The following SGMS2 variants were observed in gnomAD, a reference collection of about 807,000 sequenced individuals.
SGMS2 encodes phosphatidylcholine:ceramide cholinephosphotransferase 2.
In SGMS2, 21 loss-of-function variants were observed where a neutral mutation model predicts 43.8. That is an observed-to-expected ratio of 0.48 (90% CI 0.34 to 0.69). The LOEUF (loss-of-function observed/expected upper bound fraction) is 0.69. Among genes scored for constraint, SGMS2 ranks in the 30% least tolerant of loss-of-function variants. The pLI is 0.01. For missense variants in SGMS2, 384 were observed against 443.2 expected (o/e 0.87, Z 1.20); for synonymous variants, 167 against 160.6 (o/e 1.04, Z -0.30).
Position 107,908,624 on chromosome 4 carries a change from A to G in SGMS2, c.787A>G (p.Ile263Val). The G allele has an allele frequency of 6.2e-7, 1 of 1,614,062 alleles. No individual in the cohort carries two copies. The highest frequency in any genetic ancestry group is 8.5e-7 in the Non-Finnish European group (1 of 1,179,970). Residue 263 changes from isoleucine (I) to valine (V), a missense_variant, in exon 6 of 7, where the codon ATC becomes GTC. Physicochemically the swap from Ile to Val is conservative, Grantham distance 29. Transcript: ENST00000690982. Reference sequence around the variant, plus strand: ...CTGCTGGCTGCTGAGTGCTGCCGGGATCATCTGCATTCTTGTAGCACACGA... The same window carrying G: ...CTGCTGGCTGCTGAGTGCTGCCGGGGTCATCTGCATTCTTGTAGCACACGA... ...LICWLLSAAG[I>V]ICILVAHEHY...
At chr4:107,879,323 G>A (rs971933179) in intron 2 of SGMS2, among the ~76,000 whole-genome samples, 2 of 152,046 alleles carry the variant, frequency 1.3e-5, no homozygotes, top group Non-Finnish European at 2.9e-5. Flanking sequence ...AGAAATGTGT[G>A]TTATTTCAGA....
chr4:107,866,594 C>A (rs983838287), intron 2 of SGMS2, among the ~76,000 whole-genome samples: 5 of 150,308 alleles, frequency 3.3e-5, no homozygotes, highest in African/African-American at 4.9e-5. Context: ...AAAAAAAAAA[C>A]AAACCAAAAA....
At chr4:107,856,917 G>A (rs945820296) in intron 1 of SGMS2, among the ~76,000 whole-genome samples, 16 of 152,102 alleles carry the variant, frequency 1.1e-4, no homozygotes, top group Non-Finnish European at 1.9e-4. Flanking sequence ...GTACAAATCA[G>A]TAGTTTTTGG....
At chr4:107,896,211 A>G (rs1730661988) in intron 3 of SGMS2, among the ~76,000 whole-genome samples, 1 of 152,210 alleles carries the variant, frequency 6.6e-6, no homozygotes, top group African/African-American at 2.4e-5. Context: ...ACTGTGTATG[A>G]AAGTGGCAGT....
At chr4:107,852,816 TAGG>T (rs1457153466) in intron 1 of SGMS2, among the ~76,000 whole-genome samples, 1 of 152,062 alleles carries the variant, frequency 6.6e-6, no homozygotes, top group Non-Finnish European at 1.5e-5. Context: ...TTGATGTTCT[TAGG>T]AGGTTTATAG....
At chr4:107,864,179 C>T (rs926059781) in intron 2 of SGMS2, 1 of 152,208 alleles carries the variant, frequency 6.6e-6, no homozygotes, top group Non-Finnish European at 1.5e-5. Flanking sequence ...GTTCTAAGTT[C>T]GCTTGAATTT....
chr4:107,908,455 TG>T, intron 5 of SGMS2, 109 bp from the exon 6 acceptor site: 1 of 1,076,330 alleles, frequency 9.3e-7, no homozygotes, highest in Non-Finnish European at 1.4e-6. Context: ...TTTATCCTTC[TG>T]GTGACTTCCT....
At chr4:107,855,931 A>C (rs1037362977) in intron 1 of SGMS2, among the ~76,000 whole-genome samples, 2 of 152,212 alleles carry the variant, frequency 1.3e-5, no homozygotes, top group Non-Finnish European at 2.9e-5. Context: ...GAAATTAAGT[A>C]TCATGCCTGG....
chr4:107,856,913 A>G (rs1389723623), intron 1 of SGMS2, among the ~76,000 whole-genome samples: 2 of 152,230 alleles, frequency 1.3e-5, no homozygotes, highest in Non-Finnish European at 2.9e-5. Context: ...AAGTGTACAA[A>G]TCAGTAGTTT....
At chr4:107,881,880 T>A (rs978588307) in intron 2 of SGMS2, among the ~76,000 whole-genome samples, 3 of 152,210 alleles carry the variant, frequency 2.0e-5, no homozygotes, top group African/African-American at 7.2e-5. Context: ...TGTCTTTTTG[T>A]GCCTGGCTTA....
intron 2 of SGMS2, among the ~76,000 whole-genome samples, chr4:107,864,666 G>A (rs1213238458): frequency 1.3e-5 from 2 of 152,146 alleles, no homozygotes; most frequent in Admixed American, 6.5e-5. Flanking sequence ...ATGATATAAT[G>A]ATTTATTTAT....
chr4:107,830,879 A>G (rs778700904), intron 1 of SGMS2, among the ~76,000 whole-genome samples: 2 of 152,200 alleles, frequency 1.3e-5, no homozygotes, highest in Admixed American at 6.5e-5. Flanking sequence ...GAGAGAGGTC[A>G]GTTGTGTGGG....
chr4:107,868,019 C>G (rs1560648280), intron 2 of SGMS2: 2 of 152,014 alleles, frequency 1.3e-5, no homozygotes, highest in African/African-American at 4.8e-5. Context: ...ATATTTTTGG[C>G]AGAGGAAATA....
chr4:107,866,887 C>T (rs570219473), intron 2 of SGMS2: 1 of 152,140 alleles, frequency 6.6e-6, no homozygotes, highest in East Asian at 1.9e-4. Flanking sequence ...AACTACAACC[C>T]AAGATTGCAA....
intron 1 of SGMS2, among the ~76,000 whole-genome samples, chr4:107,842,382 C>T (rs1311027822): frequency 6.6e-6 from 1 of 151,978 alleles, no homozygotes; most frequent in African/African-American, 2.4e-5. Context: ...GAGAGAGGAG[C>T]GAGGTGCCAC....
At chr4:107,830,241 T>C (rs1251636364) in intron 1 of SGMS2, among the ~76,000 whole-genome samples, 1 of 152,214 alleles carries the variant, frequency 6.6e-6, no homozygotes. Flanking sequence ...TAGTATTCCA[T>C]GGTATGTATG....
At chr4:107,908,166 G>C (rs1042458434) in intron 5 of SGMS2, 3 of 160,356 alleles carry the variant, frequency 1.9e-5, no homozygotes, top group African/African-American at 7.2e-5. Flanking sequence ...TATTTTCATA[G>C]ACCACCACCT....
chr4:107,847,213 C>T, intron 1 of SGMS2, among the ~76,000 whole-genome samples: 1 of 151,948 alleles, frequency 6.6e-6, no homozygotes, highest in Non-Finnish European at 1.5e-5. Context: ...AATGGTAATG[C>T]CTAGGTTTTC....
chr4:107,839,564 T>C (rs1212775459), intron 1 of SGMS2, among the ~76,000 whole-genome samples: 1 of 152,176 alleles, frequency 6.6e-6, no homozygotes, highest in Non-Finnish European at 1.5e-5. Context: ...TGCAAATGTT[T>C]CCTAGTAACA....
Sources: gnomAD v4.1 joint callset for allele counts (sites outside exome capture counted in the v4.1 genomes callset) on GRCh38, gnomAD v4.1.1 for gene constraint, MANE v1.5 for transcripts, NCBI Gene and HGNC (gene_info 2026-07-23, HGNC 2026-07-21) for gene names.